Variants in EDEM3 observed in about 807,000 individuals in gnomAD.
EDEM3 encodes ER degradation-enhancing alpha-mannosidase-like protein 3.
A neutral mutation model predicts 110.2 loss-of-function variants in EDEM3; 60 were observed. That is an observed-to-expected ratio of 0.54 (90% CI 0.44 to 0.67). The LOEUF is 0.67. Ranked by LOEUF, EDEM3 falls within the 30% of genes least tolerant of loss-of-function variation. The pLI, the probability that EDEM3 is intolerant of heterozygous loss-of-function variation, is 0.00. For synonymous variants in EDEM3, 352 were observed against 382.9 expected (o/e 0.92, Z 0.94); for missense variants, 996 against 1,121.0 (o/e 0.89, Z 1.59).
chr1:184,701,375 T>C, intron 19 of EDEM3: 1 of 369,764 alleles, frequency 2.7e-6, no homozygotes, highest in East Asian at 1.1e-4. Context: ...CTAATTACGT[T>C]ACACAAGATA....
At chr1:184,748,609 A>C (rs372262123) in intron 2 of EDEM3, among the ~76,000 whole-genome samples, 1 of 152,220 alleles carries the variant, frequency 6.6e-6, no homozygotes, top group Non-Finnish European at 1.5e-5. Context: ...CCAAATTTAC[A>C]ATATAAAAGA....
chr1:184,751,989 G>A (rs1652793743), intron 1 of EDEM3, among the ~76,000 whole-genome samples: 1 of 152,058 alleles, frequency 6.6e-6, no homozygotes, highest in Non-Finnish European at 1.5e-5. Context: ...CCGACCTCAG[G>A]TGATTCGCCC....
chr1:184,739,493 T>C lies in EDEM3; in HGVS notation c.205-1782A>G, dbSNP rs150416472. On this transcript the variant is annotated intron_variant, in intron 2 of 19. Coordinates refer to ENST00000318130, the MANE Select transcript of EDEM3 (RefSeq NM_025191.4). ...TCCTTAAATTTTACTGAAATTTTAA[T>C]TGGAAGAACTGAATTTGGGGAGAAT... Among the ~76,000 whole-genome samples, 431 of 152,034 alleles carry C rather than the reference T, an allele frequency of 2.8e-3. 5 individuals carry two copies. The East Asian group carries it at 0.035, about 13-fold the overall frequency.
chr1:184,695,521 ATTACT>A (rs1474560003), intron 19 of EDEM3, among the ~76,000 whole-genome samples: 1 of 152,006 alleles, frequency 6.6e-6, no homozygotes, highest in Non-Finnish European at 1.5e-5. Flanking sequence ...TCATCTCTTG[ATTACT>A]TTATAATACC....
chr1:184,710,100 G>A (rs2224092), intron 16 of EDEM3, among the ~76,000 whole-genome samples: 11,279 of 152,106 alleles, frequency 0.074, 499 homozygotes, highest in African/African-American at 0.13. Context: ...AAAAGTAACA[G>A]GGGAAAGCCA....
intron 13 of EDEM3, among the ~76,000 whole-genome samples, chr1:184,714,990 T>C (rs1463469701): frequency 6.6e-6 from 1 of 152,124 alleles, no homozygotes; most frequent in Non-Finnish European, 1.5e-5. Context: ...TAACCTTTCA[T>C]TTGGCTAAAG....
At chr1:184,710,843 TG>T (rs1650187470) in intron 15 of EDEM3, among the ~76,000 whole-genome samples, 2 of 152,214 alleles carry the variant, frequency 1.3e-5, no homozygotes, top group Admixed American at 1.3e-4. Flanking sequence ...TTGTTACTAT[TG>T]ATGTTATCCT....
intron 15 of EDEM3, among the ~76,000 whole-genome samples, chr1:184,711,227 T>C (rs1650212876): frequency 6.6e-6 from 1 of 152,000 alleles, no homozygotes; most frequent in African/African-American, 2.4e-5. Flanking sequence ...GCTTCCCGAG[T>C]AGCTGGGATT....
In EDEM3 at chr1:184,746,457, G is replaced by C. The variant is rs567318778; in HGVS notation, c.204+3090C>G. ...ATAAATAATAATGATAGTAGTAGTC[G>C]TTATCAGTAGCAGCAGTAAATTCTT... is the stretch of plus-strand genomic sequence containing the variant. On this transcript the variant is annotated intron_variant, in intron 2 of 19. Coordinates refer to ENST00000318130, the MANE Select transcript of EDEM3 (RefSeq NM_025191.4). 7.9e-5 allele frequency among the ~76,000 whole-genome samples: 12 copies of C among 152,300 alleles called. No homozygotes were observed. The East Asian group carries it at 1.3e-3, about 17-fold the overall frequency.
chr1:184,734,319 A>G (rs900117137), intron 5 of EDEM3, among the ~76,000 whole-genome samples: 21 of 152,078 alleles, frequency 1.4e-4, no homozygotes, highest in African/African-American at 4.6e-4. Flanking sequence ...AAATACAAAA[A>G]TTAGCTGGGC....
At chr1:184,706,855 C>CA in intron 17 of EDEM3, 47 bp from the exon 18 acceptor site, 2 of 1,580,716 alleles carry the variant, frequency 1.3e-6, no homozygotes, top group Non-Finnish European at 1.7e-6. Context: ...TCTCAAATGG[C>CA]AATCAAGTCA....
At chr1:184,717,402 T>C in intron 12 of EDEM3, 138 bp downstream of exon 12, 1 of 640,902 alleles carries the variant, frequency 1.6e-6, no homozygotes, top group Non-Finnish European at 2.6e-6. Context: ...ATGGACTAGA[T>C]GAATAAGAAT....
intron 16 of EDEM3, among the ~76,000 whole-genome samples, chr1:184,709,181 T>C (rs936458213): frequency 1.3e-5 from 2 of 151,918 alleles, no homozygotes; most frequent in African/African-American, 2.4e-5. Flanking sequence ...GAAACATAGG[T>C]TGAGGTGAGG....
intron 19 of EDEM3, among the ~76,000 whole-genome samples, chr1:184,698,155 T>C (rs781742816): frequency 1.9e-4 from 29 of 151,780 alleles, no homozygotes; most frequent in Non-Finnish European, 3.5e-4. Context: ...AAGAAACATG[T>C]ACTCTCATAT....
At chr1:184,722,245 TG>T (rs1650945595) in intron 8 of EDEM3, among the ~76,000 whole-genome samples, 1 of 152,022 alleles carries the variant, frequency 6.6e-6, no homozygotes, top group African/African-American at 2.4e-5. Context: ...ATTTTTCTAG[TG>T]GTACATTTAA....
At chr1:184,711,287 A>G (rs1650216367) in intron 15 of EDEM3, among the ~76,000 whole-genome samples, 1 of 152,072 alleles carries the variant, frequency 6.6e-6, no homozygotes, top group South Asian at 2.1e-4. Flanking sequence ...TTTAGTACAG[A>G]CAGAGTTTCA....
chr1:184,709,317 C>G (rs563603507), intron 16 of EDEM3, among the ~76,000 whole-genome samples: 1 of 152,240 alleles, frequency 6.6e-6, no homozygotes, highest in South Asian at 2.1e-4. Flanking sequence ...GATTCACATA[C>G]ATAGCTAAGA....
Position 184,754,687 on chromosome 1 carries a change from C to G in EDEM3, c.-41G>C. ...CGCACGCGCAGCTGCTACGCCCGGC[C>G]GGTGAGACACATTGCTGGACGCTGG... On this transcript the variant is annotated 5_prime_UTR_variant, in exon 1 of 20. Transcript: ENST00000318130. 6.7e-7 allele frequency: 1 copy of G among 1,495,104 alleles called. No homozygotes were observed. The highest frequency in any genetic ancestry group is 8.9e-7 in the Non-Finnish European group (1 of 1,124,886). The allele number at this position is 1,495,104 out of a possible 1,614,324, so 92.6% of individuals were successfully genotyped here.
Position 184,708,491 on chromosome 1 carries a change from G to A in EDEM3, c.1846-147C>T, listed in dbSNP as rs911324756. ...CCACCAAGTATTTATGACCTTATTT[G>A]TACTCAAAAATAATACTTTCAGAAA... is the stretch of plus-strand genomic sequence containing the variant. On this transcript the variant is annotated intron_variant, in intron 16 of 19. Coordinates refer to ENST00000318130, the MANE Select transcript of EDEM3 (RefSeq NM_025191.4). The A allele has an allele frequency of 8.4e-6, 6 of 711,514 alleles. No individual in the cohort carries two copies. In the African/African-American group the frequency reaches 1.1e-4, roughly 14 times the overall value. 44.1% of individuals were successfully genotyped at this position (711,514 alleles called of 1,614,324 possible).
Sources: allele counts gnomAD v4.1 joint callset (sites outside exome capture counted in the v4.1 genomes callset), GRCh38; gene constraint gnomAD v4.1.1; transcripts MANE v1.5; gene names NCBI Gene and HGNC (gene_info 2026-07-23, HGNC 2026-07-21).